Variants in ANK2 observed in about 807,000 individuals in gnomAD.
ANK2 encodes the protein ankyrin-2.
In ANK2, 83 loss-of-function variants were observed where a neutral mutation model predicts 360.5. The ratio of observed to expected loss-of-function variants is 0.23; its 90% CI spans 0.19 to 0.28. The LOEUF (loss-of-function observed/expected upper bound fraction) is 0.28, where lower values mean the gene tolerates loss of function less well. Among genes scored for constraint, ANK2 ranks in the 10% least tolerant of loss-of-function variants. The pLI is 1.00. For synonymous variants in ANK2, 1,740 were observed against 1,759.5 expected, an observed-to-expected ratio of 0.99 and a Z score of 0.28; for missense variants, 4,201 against 4,795.7, an observed-to-expected ratio of 0.88 and a Z score of 3.66.
chr4:113,374,838 C>A (rs562205045), intron 45 of ANK2: 3 of 1,271,496 alleles, frequency 2.4e-6, no homozygotes, highest in Admixed American at 4.7e-5. Context: ...GCCGTAGAGT[C>A]AGCAAAGTTG....
chr4:112,968,320 C>T (rs1158067880), intron 2 of ANK2, among the ~76,000 whole-genome samples: 2 of 152,206 alleles, frequency 1.3e-5, no homozygotes, highest in Non-Finnish European at 2.9e-5. Context: ...TCTGTCACTC[C>T]CCATGGACCA....
chr4:113,001,858 A>G (rs1427339605), intron 2 of ANK2, among the ~76,000 whole-genome samples: 3 of 152,188 alleles, frequency 2.0e-5, no homozygotes, highest in Non-Finnish European at 2.9e-5. Context: ...AACAGCCTCC[A>G]GATGTGCATT....
At chr4:113,235,150 C>G (rs940363474) in intron 5 of ANK2, among the ~76,000 whole-genome samples, 9 of 152,188 alleles carry the variant, frequency 5.9e-5, no homozygotes, top group South Asian at 2.1e-4. Flanking sequence ...ATTTCACACT[C>G]TTTTAATATA....
At chr4:113,325,230 G>T (rs991015998) in intron 26 of ANK2, among the ~76,000 whole-genome samples, 1 of 152,212 alleles carries the variant, frequency 6.6e-6, no homozygotes, top group Middle Eastern at 3.4e-3. Flanking sequence ...CACATTTTCT[G>T]CAAAACAGCT....
chr4:112,829,420 C>T lies in ANK2; in HGVS notation c.-40+11156C>T, dbSNP rs181543721. Among the ~76,000 whole-genome samples the T allele has an allele frequency of 4.9e-3, 683 of 138,598 alleles. 7 individuals are homozygous for T. Among genetic ancestry groups the T allele is most frequent in the South Asian group, 0.028 (122 of 4,390 alleles). The allele number at this position is 138,598 out of a possible 152,430, so 90.9% of individuals were successfully genotyped here. On this transcript the variant is annotated intron_variant, in intron 1 of 30. Transcript: ENST00000503271. ...CCTATAATCCCAGCACTTTGGGAGG[C>T]GAAGGCAGAAGGATTGCTTTGAGAC...
At chr4:112,732,075 G>A in the ANK2 span, among the ~76,000 whole-genome samples, 5 of 152,260 alleles carry the variant, frequency 3.3e-5, no homozygotes, top group Middle Eastern at 0.017. Flanking sequence ...CTTGAAATCA[G>A]GTAGGAAATT....
intron 1 of ANK2, among the ~76,000 whole-genome samples, chr4:112,852,233 C>G (rs1476488201): frequency 6.6e-6 from 1 of 152,162 alleles, no homozygotes; most frequent in Non-Finnish European, 1.5e-5. Flanking sequence ...CTATATGCAC[C>G]TTTGCCCAGT....
intron 2 of ANK2, among the ~76,000 whole-genome samples, chr4:112,935,746 G>A (rs2093667554): frequency 6.6e-6 from 1 of 152,124 alleles, no homozygotes; most frequent in African/African-American, 2.4e-5. Flanking sequence ...GGAGGCTGAA[G>A]CAAAAGAATT....
At chr4:112,958,474 A>G (rs1029071933) in intron 2 of ANK2, among the ~76,000 whole-genome samples, 6 of 152,178 alleles carry the variant, frequency 3.9e-5, no homozygotes, top group African/African-American at 1.4e-4. Flanking sequence ...TGCGCCTGCA[A>G]TCGCAGGCAC....
At chr4:112,780,491 G>C in the ANK2 span, among the ~76,000 whole-genome samples, 1 of 152,166 alleles carries the variant, frequency 6.6e-6, no homozygotes, top group East Asian at 1.9e-4. Context: ...TGTTGAGTTA[G>C]CTGTAGAATA....
the ANK2 span, among the ~76,000 whole-genome samples, chr4:112,779,136 CTT>C: frequency 6.6e-6 from 1 of 152,120 alleles, no homozygotes; most frequent in Admixed American, 6.6e-5. Context: ...AGCCACCTCT[CTT>C]GGTGAAGTCC....
chr4:113,271,498 A>T (rs1461487846), intron 14 of ANK2, among the ~76,000 whole-genome samples: 1 of 151,856 alleles, frequency 6.6e-6, no homozygotes, highest in Non-Finnish European at 1.5e-5. Flanking sequence ...ACACACACAC[A>T]CACACTTTTG....
chr4:113,213,383 C>G (rs1233182409), intron 4 of ANK2, among the ~76,000 whole-genome samples: 1 of 152,128 alleles, frequency 6.6e-6, no homozygotes, highest in Non-Finnish European at 1.5e-5. Context: ...TAAAAGATAT[C>G]TAATGTTCTT....
chr4:113,257,487 T>C lies in ANK2; in HGVS notation c.1189-563T>C, dbSNP rs574788129. 5.9e-5 allele frequency among the ~76,000 whole-genome samples: 9 copies of C among 152,318 alleles called. No homozygotes were observed. The South Asian group carries it at 1.9e-3, about 32-fold the overall frequency. ...ATTGGCATATATGTTATAAAAATGATATAAAAATATAGCTTCTGTATGTAA... is the reference window on the plus strand; with the variant it reads ...ATTGGCATATATGTTATAAAAATGACATAAAAATATAGCTTCTGTATGTAA... On this transcript the variant is annotated intron_variant, in intron 11 of 45. Transcript: ENST00000357077.
rs187674462 is a variant in ANK2, at chr4:113,191,051, G to C, written c.187-5317G>C. Among the ~76,000 whole-genome samples, 30 of 152,224 alleles carry C rather than the reference G, an allele frequency of 2.0e-4. 1 individual carries two copies. Among genetic ancestry groups the C allele is most frequent in the African/African-American group, 6.5e-4 (27 of 41,548 alleles). On this transcript the variant is annotated intron_variant, in intron 2 of 45. Transcript: ENST00000357077. ...ACATGAAAATGGCATTTACATAGGA[G>C]AGTTGAGGCTGGGTATGGTGGTTCA...
At chr4:112,773,492 C>T in the ANK2 span, among the ~76,000 whole-genome samples, 15 of 152,304 alleles carry the variant, frequency 9.8e-5, no homozygotes, top group East Asian at 2.9e-3. Flanking sequence ...TCTCTCTTCC[C>T]ACCTACCCTT....
chr4:113,197,029 A>G (rs2107020), intron 3 of ANK2, among the ~76,000 whole-genome samples: 34,633 of 152,210 alleles, frequency 0.23, 4,077 homozygotes, highest in East Asian at 0.31. Context: ...GGATGAGATT[A>G]ACATAATCCT....
intron 1 of ANK2, among the ~76,000 whole-genome samples, chr4:113,157,772 T>C (rs1308028612): frequency 6.6e-6 from 1 of 152,176 alleles, no homozygotes; most frequent in East Asian, 1.9e-4. Context: ...CTTGGGGAAG[T>C]AGTAATGAAT....
intron 1 of ANK2, among the ~76,000 whole-genome samples, chr4:113,078,495 C>T (rs1283896728): frequency 6.6e-6 from 1 of 152,164 alleles, no homozygotes; most frequent in African/African-American, 2.4e-5. Flanking sequence ...GGGGTTACCA[C>T]CTGTCAAAAA....
Sources: gnomAD v4.1 joint callset for allele counts (sites outside exome capture counted in the v4.1 genomes callset) on GRCh38, gnomAD v4.1.1 for gene constraint, MANE v1.5 for transcripts, NCBI Gene and HGNC (gene_info 2026-07-23, HGNC 2026-07-21) for gene names.